Variants in RORA observed in about 807,000 individuals in gnomAD.
The protein encoded by RORA is RAR related orphan receptor A.
Under a neutral mutation model 69.5 loss-of-function variants are expected in RORA, and 7 were observed. That is an observed-to-expected ratio of 0.10 (90% CI 0.06 to 0.19). RORA has a LOEUF of 0.19. Among genes scored for constraint, RORA ranks in the 10% least tolerant of loss-of-function variants. The pLI is 1.00. For missense variants in RORA, 457 were observed against 663.0 expected, an observed-to-expected ratio of 0.69 and a Z score of 3.41; for synonymous variants, 261 against 240.8, an observed-to-expected ratio of 1.08 and a Z score of -0.78.
rs538638481 is a variant in RORA at position 60,702,726 on chromosome 15, C to A, written c.167-24040G>T. Among the ~76,000 whole-genome samples the A allele has an allele frequency of 2.8e-4, 42 of 152,266 alleles. 1 individual carries two copies. The South Asian group carries it at 8.7e-3, about 32-fold the overall frequency. On this transcript the variant is annotated intron_variant, in intron 1 of 10. Coordinates refer to ENST00000335670, the MANE Select transcript of RORA (RefSeq NM_134261.3). ...TGCAAGTGGTTGTCACATGGTAGGTCCTAAAAACGGTAGTTCCTTAAGATT... is the reference window on the plus strand; with the variant it reads ...TGCAAGTGGTTGTCACATGGTAGGTACTAAAAACGGTAGTTCCTTAAGATT...
chr15:61,042,605 C>T (rs1406990960), intron 1 of RORA, among the ~76,000 whole-genome samples: 1 of 152,208 alleles, frequency 6.6e-6, no homozygotes, highest in Non-Finnish European at 1.5e-5. Context: ...ATTGGTCAGC[C>T]ATGAGAGATT....
At chr15:61,208,803 A>T (rs951976642) in intron 1 of RORA, among the ~76,000 whole-genome samples, 3 of 152,132 alleles carry the variant, frequency 2.0e-5, no homozygotes, top group Admixed American at 6.5e-5. Context: ...TATTCTTCAC[A>T]ATTTGTCTTC....
intron 2 of RORA, among the ~76,000 whole-genome samples, chr15:60,563,855 C>T (rs1243476800): frequency 6.6e-5 from 10 of 152,022 alleles, no homozygotes; most frequent in Admixed American, 5.9e-4. Context: ...ACACAGGTAG[C>T]GATGGCCTAC....
At chr15:60,821,629 C>A (rs1287241411) in intron 1 of RORA, among the ~76,000 whole-genome samples, 1 of 152,148 alleles carries the variant, frequency 6.6e-6, no homozygotes, top group African/African-American at 2.4e-5. Flanking sequence ...TCTATGATGC[C>A]AAGGACTGTG....
chr15:60,831,922 G>A (rs1181804157), intron 1 of RORA, among the ~76,000 whole-genome samples: 2 of 152,166 alleles, frequency 1.3e-5, no homozygotes. Flanking sequence ...AAGGTGAAGT[G>A]GCAGCTAATA....
At chr15:60,755,491 T>C (rs9920610) in intron 1 of RORA, among the ~76,000 whole-genome samples, 31,078 of 151,958 alleles carry the variant, frequency 0.2, 3,726 homozygotes, top group African/African-American at 0.34. Context: ...ATCCTTTGGG[T>C]ATATACCCAG....
chr15:60,779,143 C>G (rs57633051), intron 1 of RORA, among the ~76,000 whole-genome samples: 3,055 of 152,276 alleles, frequency 0.02, 113 homozygotes, highest in African/African-American at 0.071. Context: ...GTCAGTAAGG[C>G]ACAAGCAATT....
At chr15:60,760,391 T>C (rs1295502444) in intron 1 of RORA, among the ~76,000 whole-genome samples, 3 of 152,210 alleles carry the variant, frequency 2.0e-5, no homozygotes, top group African/African-American at 7.2e-5. Context: ...CTGACACTTT[T>C]AGCTATGAAT....
chr15:61,171,643 G>A (rs951049424), intron 1 of RORA, among the ~76,000 whole-genome samples: 1 of 152,142 alleles, frequency 6.6e-6, no homozygotes, highest in Non-Finnish European at 1.5e-5. Context: ...CAGCAGAGGG[G>A]CAGTCTCCCC....
chr15:61,180,249 T>G (rs1197120389), intron 1 of RORA, among the ~76,000 whole-genome samples: 3 of 151,202 alleles, frequency 2.0e-5, no homozygotes, highest in Non-Finnish European at 2.9e-5. Context: ...AGGATCCAGG[T>G]AGGTAGCAGT....
At chr15:60,620,103 T>A (rs1038054204) in intron 2 of RORA, among the ~76,000 whole-genome samples, 2 of 152,220 alleles carry the variant, frequency 1.3e-5, no homozygotes, top group Non-Finnish European at 2.9e-5. Flanking sequence ...CTAACCAAAC[T>A]CTGTTGCTTT....
chr15:60,855,861 C>T (rs149964277), intron 1 of RORA, among the ~76,000 whole-genome samples: 1,917 of 152,336 alleles, frequency 0.013, 25 homozygotes, highest in Non-Finnish European at 0.02. Context: ...GTGATCCATC[C>T]ACCTCGGCCT....
intron 1 of RORA, among the ~76,000 whole-genome samples, chr15:60,961,607 A>C (rs552346883): frequency 3.9e-5 from 6 of 152,190 alleles, no homozygotes; most frequent in Non-Finnish European, 7.3e-5. Context: ...CTTTCCTTTG[A>C]AAGACTTTCC....
At chr15:61,026,012 TAC>T (rs1895790314) in intron 1 of RORA, among the ~76,000 whole-genome samples, 2 of 152,146 alleles carry the variant, frequency 1.3e-5, no homozygotes, top group African/African-American at 2.4e-5. Context: ...AAATAATACG[TAC>T]ACAGAGAGAA....
intron 2 of RORA, chr15:60,592,627 C>T: frequency 1.7e-6 from 2 of 1,146,804 alleles, no homozygotes; most frequent in Non-Finnish European, 2.1e-6. Context: ...CGCTTCCTCC[C>T]GGGGCGGGAG....
At chr15:60,549,963 T>C (rs1262212522) in intron 2 of RORA, among the ~76,000 whole-genome samples, 2 of 152,194 alleles carry the variant, frequency 1.3e-5, no homozygotes, top group Admixed American at 6.5e-5. Context: ...GAAGATGTAA[T>C]TGTCTATATG....
At chr15:61,175,749 G>A (rs186578993) in intron 1 of RORA, among the ~76,000 whole-genome samples, 1 of 152,152 alleles carries the variant, frequency 6.6e-6, no homozygotes, top group East Asian at 1.9e-4. Flanking sequence ...TTGAAACTGA[G>A]GCTCACCAAA....
chr15:60,841,829 T>C (rs1163670030), intron 1 of RORA, among the ~76,000 whole-genome samples: 1 of 152,148 alleles, frequency 6.6e-6, no homozygotes, highest in Admixed American at 6.5e-5. Context: ...GTAGAAACCA[T>C]CCACTGTATC....
chr15:60,629,887 G>A (rs1173665207), intron 2 of RORA, among the ~76,000 whole-genome samples: 2 of 152,206 alleles, frequency 1.3e-5, no homozygotes, highest in Non-Finnish European at 2.9e-5. Context: ...CACTGAGAAT[G>A]TATTCCATGA....
Sources: allele counts gnomAD v4.1 joint callset (sites outside exome capture counted in the v4.1 genomes callset), GRCh38; gene constraint gnomAD v4.1.1; transcripts MANE v1.5; gene names NCBI Gene and HGNC (gene_info 2026-07-23, HGNC 2026-07-21).